Variants in CLSTN2 observed in about 807,000 individuals in gnomAD.
CLSTN2 encodes the protein calsyntenin-2.
Under a neutral mutation model 101.2 loss-of-function variants are expected in CLSTN2, and 48 were observed. That is an observed-to-expected ratio of 0.47 (90% CI 0.38 to 0.60). The LOEUF (loss-of-function observed/expected upper bound fraction) is 0.60. Ranked by LOEUF, CLSTN2 falls within the 20% of genes least tolerant of loss-of-function variation. The probability of loss-of-function intolerance (pLI) is 0.00; values close to 1 mark genes in which losing one functional copy is unlikely to be tolerated. For synonymous variants in CLSTN2, 481 were observed against 463.6 expected, an observed-to-expected ratio of 1.04 and a Z score of -0.48; for missense variants, 1,160 against 1,238.2, an observed-to-expected ratio of 0.94 and a Z score of 0.95.
intron 2 of CLSTN2, among the ~76,000 whole-genome samples, chr3:140,203,317 G>A (rs553570587): frequency 5.5e-4 from 83 of 152,130 alleles, no homozygotes; most frequent in South Asian, 1.0e-3. Flanking sequence ...AAATCTGATT[G>A]AACTTGCTCA....
chr3:140,543,155 T>C lies in CLSTN2; in HGVS notation c.1508-3360T>C, dbSNP rs533951424. Among the ~76,000 whole-genome samples, 7 of 152,308 alleles carry C rather than the reference T, an allele frequency of 4.6e-5. No individual in the cohort carries two copies. The East Asian group carries it at 1.4e-3, about 29-fold the overall frequency. ...GCCCAGTAAATGATAGTAGTTGTTG[T>C]TGGATTTGCTGCTCCACGGAGGAGG... is the stretch of plus-strand genomic sequence containing the variant. On this transcript the variant is annotated intron_variant, in intron 9 of 16. Coordinates refer to ENST00000458420, the MANE Select transcript of CLSTN2 (RefSeq NM_022131.3).
intron 2 of CLSTN2, among the ~76,000 whole-genome samples, chr3:140,373,936 C>T (rs2087887159): frequency 6.6e-6 from 1 of 152,202 alleles, no homozygotes; most frequent in Admixed American, 6.5e-5. Context: ...TCTTCCCTTC[C>T]TGAACATTCA....
intron 2 of CLSTN2, among the ~76,000 whole-genome samples, chr3:140,366,020 C>T (rs992178113): frequency 6.6e-6 from 1 of 152,216 alleles, no homozygotes; most frequent in African/African-American, 2.4e-5. Flanking sequence ...TCTCCACGCA[C>T]AGCTGCTTAC....
chr3:139,960,405 C>A (rs1935487748), intron 1 of CLSTN2, among the ~76,000 whole-genome samples: 1 of 152,172 alleles, frequency 6.6e-6, no homozygotes, highest in Non-Finnish European at 1.5e-5. Flanking sequence ...AGGCATCCCA[C>A]ACTAGATGTG....
chr3:139,993,767 C>T (rs1936155468), intron 1 of CLSTN2, among the ~76,000 whole-genome samples: 1 of 152,140 alleles, frequency 6.6e-6, no homozygotes, highest in African/African-American at 2.4e-5. Context: ...TGACTTTGGG[C>T]CAGTTTGAGT....
intron 2 of CLSTN2, among the ~76,000 whole-genome samples, chr3:140,185,660 G>A (rs1291632492): frequency 6.6e-6 from 1 of 151,872 alleles, no homozygotes; most frequent in Non-Finnish European, 1.5e-5. Flanking sequence ...ATGCTGAGAG[G>A]TTAAAAGGAT....
At position 140,403,798 on chromosome 3, in the gene CLSTN2, C is replaced by A. The variant is rs368696603; in HGVS notation, c.402C>A (p.His134Gln). The change falls in exon 3 of 17, where the codon CAC becomes CAA. Residue 134 changes from histidine to glutamine, a missense_variant. His to Gln is a conservative substitution (Grantham distance 24, BLOSUM62 0). Transcript: ENST00000458420. Reference protein sequence around the residue: ...IQAYDCGAGPHETAWKKSHKA... With the variant: ...IQAYDCGAGPQETAWKKSHKA... ...CCTATGACTGTGGTGCTGGGCCCCA[C>A]GAGACAGCCTGGAAAAAGTCACACA... 8.9e-5 allele frequency: 144 copies of A among 1,612,210 alleles called. 3 individuals carry two copies. The South Asian group carries it at 1.5e-3, about 17-fold the overall frequency.
chr3:140,258,000 C>T lies in CLSTN2; in HGVS notation c.232+81927C>T, dbSNP rs573696161. ...CAGTTACCTTTCCTTTCATGAAATC[C>T]TGCCAATACTAAATGTTATTATGTA... On this transcript the variant is annotated intron_variant, in intron 2 of 16. Coordinates refer to ENST00000458420, the MANE Select transcript of CLSTN2 (RefSeq NM_022131.3). 6.6e-5 allele frequency among the ~76,000 whole-genome samples: 10 copies of T among 151,990 alleles called. No homozygotes were observed. In the South Asian group the frequency reaches 1.0e-3, roughly 16 times the overall value.
rs377612897 is a variant in CLSTN2 at position 140,455,139 on chromosome 3, A to G, written c.974-4382A>G. On this transcript the variant is annotated intron_variant, in intron 6 of 16. Transcript: ENST00000458420. ...TAACTTAGATATTACATAAATGTCT[A>G]TTGGCATAATATGGAGTTGATATTG... is the stretch of plus-strand genomic sequence containing the variant. 3.3e-5 allele frequency among the ~76,000 whole-genome samples: 5 copies of G among 152,258 alleles called. No individual in the cohort carries two copies. The East Asian group carries it at 5.8e-4, about 18-fold the overall frequency.
intron 2 of CLSTN2, among the ~76,000 whole-genome samples, chr3:140,346,185 G>A (rs1447504814): frequency 6.6e-6 from 1 of 152,184 alleles, no homozygotes; most frequent in African/African-American, 2.4e-5. Flanking sequence ...TGAAAGGTGT[G>A]TATTCTATGC....
intron 1 of CLSTN2, among the ~76,000 whole-genome samples, chr3:140,040,533 T>C (rs1309965537): frequency 6.6e-6 from 1 of 151,916 alleles, no homozygotes; most frequent in African/African-American, 2.4e-5. Context: ...AGAAGGTCAG[T>C]GACTAATGTC....
chr3:140,293,118 A>G, intron 2 of CLSTN2, among the ~76,000 whole-genome samples: 1 of 152,232 alleles, frequency 6.6e-6, no homozygotes, highest in Admixed American at 6.5e-5. Context: ...TTCCCAGCCC[A>G]GTTGTGCAAG....
intron 9 of CLSTN2, among the ~76,000 whole-genome samples, chr3:140,533,067 C>T (rs181999940): frequency 4.6e-5 from 7 of 152,312 alleles, no homozygotes; most frequent in African/African-American, 1.7e-4. Flanking sequence ...TGCCTTCCCA[C>T]TTGAAGGTAT....
rs1021243932 is a variant in CLSTN2, at chr3:140,571,113, C to G, written c.*4860C>G. 2.0e-5 allele frequency: 3 copies of G among 152,332 alleles called. No individual in the cohort carries two copies. Among genetic ancestry groups the G allele is most frequent in the African/African-American group, 4.8e-5 (2 of 41,582 alleles). 9.4% of individuals were successfully genotyped at this position (152,332 alleles called of 1,614,324 possible). A position where few individuals can be genotyped will look rare whatever the true frequency, so the allele number is the denominator to read the frequency against. Reference sequence around the variant, plus strand: ...CTCCACTGAGGCAAGTGTTAGCCCCCCAAGGCTCAGTGCCTTCCCAGCACA... The same window carrying G: ...CTCCACTGAGGCAAGTGTTAGCCCCGCAAGGCTCAGTGCCTTCCCAGCACA... On this transcript the variant is annotated 3_prime_UTR_variant, in exon 17 of 17. Transcript: ENST00000458420.
intron 2 of CLSTN2, among the ~76,000 whole-genome samples, chr3:140,398,713 A>T (rs2088209763): frequency 6.6e-6 from 1 of 152,210 alleles, no homozygotes; most frequent in African/African-American, 2.4e-5. Flanking sequence ...TGAACACGTA[A>T]TCTCTCTGAG....
In CLSTN2 at chr3:140,244,907, T is replaced by C. The variant is rs2086501955; in HGVS notation, c.232+68834T>C. Among the ~76,000 whole-genome samples, 5 of 152,240 alleles carry C rather than the reference T, an allele frequency of 3.3e-5. No homozygotes were observed. The South Asian group carries it at 1.0e-3, about 31-fold the overall frequency. The stretch of plus-strand genomic sequence containing the variant: ...CTATAGCTTATTAAAGTTTGAAATG[T>C]CAAGGTTTGAAAACGCCATGGCATA... On this transcript the variant is annotated intron_variant, in intron 2 of 16. Transcript: ENST00000458420.
intron 1 of CLSTN2, among the ~76,000 whole-genome samples, chr3:140,026,921 T>C (rs974661886): frequency 2.2e-4 from 34 of 152,384 alleles, no homozygotes; most frequent in African/African-American, 7.7e-4. Flanking sequence ...GGAGAGTGAC[T>C]GCAGGAGCTC....
At chr3:140,013,957 A>G (rs1413747893) in intron 1 of CLSTN2, among the ~76,000 whole-genome samples, 2 of 152,186 alleles carry the variant, frequency 1.3e-5, no homozygotes, top group East Asian at 1.9e-4. Flanking sequence ...CATTACACCA[A>G]CTATGTAAGT....
At chr3:140,214,972 A>G (rs1204880247) in intron 2 of CLSTN2, among the ~76,000 whole-genome samples, 1 of 152,208 alleles carries the variant, frequency 6.6e-6, no homozygotes, top group African/African-American at 2.4e-5. Context: ...AATAACTAAC[A>G]CTTATGGATT....
Sources: allele counts gnomAD v4.1 joint callset (sites outside exome capture counted in the v4.1 genomes callset), GRCh38; gene constraint gnomAD v4.1.1; transcripts MANE v1.5; gene names NCBI Gene and HGNC (gene_info 2026-07-23, HGNC 2026-07-21).